The following RCC1 variants were observed in gnomAD, a reference collection of about 807,000 sequenced individuals.
RCC1 encodes the protein regulator of chromosome condensation 1, also known as regulator of chromosome condensation.
In RCC1, 11 loss-of-function variants were observed where a neutral mutation model predicts 44.4. The observed-to-expected ratio is 0.25, with a 90% CI of 0.16 to 0.41. RCC1 has a LOEUF of 0.41. Ranked by LOEUF, RCC1 falls within the 10% of genes least tolerant of loss-of-function variation. The pLI, the probability that RCC1 is intolerant of heterozygous loss-of-function variation, is 1.00. For missense variants in RCC1, 386 were observed against 547.1 expected (o/e 0.71, Z 2.94); for synonymous variants, 213 against 216.5 (o/e 0.98, Z 0.14).
At position 28,538,138 on chromosome 1, in the gene RCC1, C is replaced by A; in HGVS notation, c.*131C>A. 1.3e-6 allele frequency: 1 copy of A among 743,948 alleles called. No individual in the cohort carries two copies. Among genetic ancestry groups the A allele is most frequent in the Non-Finnish European group, 2.1e-6 (1 of 471,636 alleles). 46.1% of individuals were successfully genotyped at this position (743,948 alleles called of 1,614,324 possible). On this transcript the variant is annotated 3_prime_UTR_variant, in exon 13 of 13. Transcript: ENST00000683442. ...TGTGTCAGTTCCTGCCTTTTCTCAT[C>A]AGCAGAACAGAATCCTTTTCCTCTT...
chr1:28,527,313 C>T (rs563484769), intron 4 of RCC1: 7 of 550,332 alleles, frequency 1.3e-5, no homozygotes, highest in African/African-American at 1.1e-4. Context: ...AATCTCAGCT[C>T]AATTTAGCCT....
Position 28,532,312 on chromosome 1 carries a change from A to G in RCC1, c.403A>G (p.Thr135Ala), listed in dbSNP as rs750035871. The G allele has an allele frequency of 7.4e-6, 12 of 1,613,984 alleles. No homozygotes were observed. The highest frequency in any genetic ancestry group is 2.7e-5 in the African/African-American group (2 of 74,902). ...SAGDSHTAALTDDGRVFLWGS... is the reference protein window; with the variant it reads ...SAGDSHTAALADDGRVFLWGS... ...AGGAGACAGTCACACAGCAGCCCTCACCGATGATGGCCGTGTCTTCCTCTG... is the reference window on the plus strand; with the variant it reads ...AGGAGACAGTCACACAGCAGCCCTCGCCGATGATGGCCGTGTCTTCCTCTG... The change falls in exon 7 of 13, where the codon ACC (threonine) becomes GCC (alanine). Residue 135 changes from threonine (T) to alanine (A), a missense_variant. By Grantham distance (58) the Thr-to-Ala change is moderately conservative. Coordinates refer to ENST00000683442, the MANE Select transcript of RCC1 (RefSeq NM_001381865.2).
intron 4 of RCC1, among the ~76,000 whole-genome samples, chr1:28,522,823 AT>A (rs1180723676): frequency 4.7e-4 from 72 of 151,740 alleles, no homozygotes; most frequent in African/African-American, 1.7e-3. Flanking sequence ...TCAAAAAAAA[AT>A]AAATATATAT....
rs1664482175 is a variant in RCC1, at chr1:28,535,385, G to A, written c.661+5G>A. Reference sequence around the variant, plus strand: ...GTGGTGGCCGGCAAGGCCTCGGTAAGTGGCCTTGGTACCTCCAGCAGGGCA... The same window carrying A: ...GTGGTGGCCGGCAAGGCCTCGGTAAATGGCCTTGGTACCTCCAGCAGGGCA... On this transcript the variant is annotated splice_donor_5th_base_variant and intron_variant, in intron 9 of 12. Coordinates refer to ENST00000683442, the MANE Select transcript of RCC1 (RefSeq NM_001381865.2). 2 of 1,613,806 alleles carry A rather than the reference G, an allele frequency of 1.2e-6. No individual in the cohort carries two copies. Among genetic ancestry groups the A allele is most frequent in the Admixed American group, 3.3e-5 (2 of 59,996 alleles).
rs548549913 is a variant in RCC1 at position 28,512,099 on chromosome 1, C to G, written c.-153+3194C>G. Among the ~76,000 whole-genome samples the G allele has an allele frequency of 2.6e-5, 4 of 151,542 alleles. No individual in the cohort carries two copies. The East Asian group carries it at 7.8e-4, about 29-fold the overall frequency. ...AAGCGATTCTCCTGCCTCAACCTCC[C>G]AAGTAGCTGGGATTACAAGCGCCTG... On this transcript the variant is annotated intron_variant, in intron 3 of 12. Transcript: ENST00000683442.
intron 8 of RCC1, 22 bp downstream of exon 8, chr1:28,535,168 C>T: frequency 6.2e-7 from 1 of 1,613,948 alleles, no homozygotes; most frequent in Non-Finnish European, 8.5e-7. Flanking sequence ...GGCACTTGCT[C>T]AGGGCAGGAG....
At chr1:28,515,741 C>G (rs1379944578) in intron 3 of RCC1, among the ~76,000 whole-genome samples, 1 of 151,356 alleles carries the variant, frequency 6.6e-6, no homozygotes, top group African/African-American at 2.4e-5. Context: ...AATACAAATA[C>G]AAAACTAAAA....
chr1:28,532,308 C>T lies in RCC1; in HGVS notation c.399C>T (p.Ala133=). 1 of 1,614,058 alleles carries T rather than the reference C, an allele frequency of 6.2e-7. No individual in the cohort carries two copies. The highest frequency in any genetic ancestry group is 8.5e-7 in the Non-Finnish European group (1 of 1,180,016). The stretch of plus-strand genomic sequence containing the variant: ...CAGCAGGAGACAGTCACACAGCAGC[C>T]CTCACCGATGATGGCCGTGTCTTCC... ...QVSAGDSHTA[A]LTDDGRVFLW... The change falls in exon 7 of 13, where the codon GCC becomes GCT. Residue 133 remains alanine (A), a synonymous_variant. Transcript: ENST00000683442.
intron 2 of RCC1, chr1:28,508,441 A>C: frequency 2.5e-6 from 1 of 403,800 alleles, no homozygotes; most frequent in South Asian, 1.8e-5. Context: ...TAGGAAGCCT[A>C]ATTGGCTTTA....
chr1:28,534,341 C>T (rs938205525), intron 7 of RCC1, among the ~76,000 whole-genome samples: 7 of 152,098 alleles, frequency 4.6e-5, no homozygotes, highest in South Asian at 2.1e-4. Flanking sequence ...CTACAACGCC[C>T]GGCTAATTTT....
intron 4 of RCC1, among the ~76,000 whole-genome samples, chr1:28,525,940 A>G (rs1467036661): frequency 1.3e-5 from 2 of 152,120 alleles, no homozygotes; most frequent in Non-Finnish European, 2.9e-5. Flanking sequence ...TCCCTTCGTA[A>G]CATTAGGTAG....
rs1664517544 is a variant in RCC1 at position 28,535,875 on chromosome 1, A to G, written c.666A>G (p.Arg222=). The stretch of plus-strand genomic sequence containing the variant: ...TGGCTTTCCCTTTGCCTGCAGAACG[A>G]CTCCTGGTCCCCAAGTGTGTGATGC... ...ANRGGRQGLE[R]LLVPKCVMLK... is the part of the protein sequence containing the mutation. The change falls in exon 10 of 13, where the codon CGA becomes CGG. Residue 222 remains arginine (R), a synonymous_variant. Coordinates refer to ENST00000683442, the MANE Select transcript of RCC1 (RefSeq NM_001381865.2). 3.7e-6 allele frequency: 6 copies of G among 1,611,488 alleles called. No individual in the cohort carries two copies. Among genetic ancestry groups the G allele is most frequent in the Non-Finnish European group, 5.1e-6 (6 of 1,178,728 alleles).
intron 3 of RCC1, among the ~76,000 whole-genome samples, chr1:28,511,463 C>CA (rs1221688051): frequency 1.3e-5 from 2 of 150,280 alleles, no homozygotes; most frequent in Non-Finnish European, 3.0e-5. Context: ...TGCAGTGGCA[C>CA]AATCTCAGCT....
chr1:28,534,639 C>T (rs1007457057), intron 7 of RCC1, among the ~76,000 whole-genome samples: 1 of 152,156 alleles, frequency 6.6e-6, no homozygotes, highest in Non-Finnish European at 1.5e-5. Context: ...TGCCACCACG[C>T]CCAGCTAATT....
intron 5 of RCC1, among the ~76,000 whole-genome samples, chr1:28,531,259 CTTTTTCTTTTTTTTTT>C (rs925903327): frequency 7.5e-6 from 1 of 132,452 alleles, no homozygotes; most frequent in African/African-American, 3.1e-5. Context: ...GCTTTCTTTT[CTTTTTCTTTTTTTTTT>C]TTTTTTTGAG....
rs533728568 is a variant in RCC1 at position 28,512,178 on chromosome 1, C to T, written c.-153+3273C>T. Among the ~76,000 whole-genome samples, 8 of 151,132 alleles carry T rather than the reference C, an allele frequency of 5.3e-5. No homozygotes were observed. In the East Asian group the frequency reaches 1.5e-3, roughly 29 times the overall value. ...TTTTTTCAGTAGAGACAGGGTTTCGCCATGTTGGCCAGGCTGGTCTCAAAA... is the reference window on the plus strand; with the variant it reads ...TTTTTTCAGTAGAGACAGGGTTTCGTCATGTTGGCCAGGCTGGTCTCAAAA... On this transcript the variant is annotated intron_variant, in intron 3 of 12. Coordinates refer to ENST00000683442, the MANE Select transcript of RCC1 (RefSeq NM_001381865.2).
At chr1:28,528,461 A>G (rs1255587294) in intron 4 of RCC1, among the ~76,000 whole-genome samples, 1 of 152,110 alleles carries the variant, frequency 6.6e-6, no homozygotes, top group Non-Finnish European at 1.5e-5. Flanking sequence ...TTTCAAAAAA[A>G]CAAAAACAAA....
chr1:28,522,598 G>A (rs1279079217), intron 4 of RCC1, among the ~76,000 whole-genome samples: 2 of 151,750 alleles, frequency 1.3e-5, no homozygotes, highest in Admixed American at 1.3e-4. Context: ...ACTTGAGCCC[G>A]GGAGTTTGAG....
At chr1:28,535,678 C>G (rs903987644) in intron 9 of RCC1, 193 bp from the exon 10 acceptor site, 2 of 766,800 alleles carry the variant, frequency 2.6e-6, no homozygotes, top group Non-Finnish European at 2.3e-6. Context: ...GTAAATGATA[C>G]CCGTAATGAC....
Sources: gnomAD v4.1 joint callset for allele counts (sites outside exome capture counted in the v4.1 genomes callset) on GRCh38, gnomAD v4.1.1 for gene constraint, MANE v1.5 for transcripts, NCBI Gene and HGNC (gene_info 2026-07-23, HGNC 2026-07-21) for gene names.